DAP3: variants seen among roughly 807,000 people sequenced by gnomAD.
The protein encoded by DAP3 is small ribosomal subunit protein mS29.
Under a neutral mutation model 51.9 loss-of-function variants are expected in DAP3, and 28 were observed. That is an observed-to-expected ratio of 0.54 (90% CI 0.40 to 0.74). DAP3 has a LOEUF of 0.74. Ranked by LOEUF, DAP3 falls within the 30% of genes least tolerant of loss-of-function variation. The pLI is 0.00. For synonymous variants in DAP3, 170 were observed against 170.3 expected (o/e 1.00, Z 0.01); for missense variants, 458 against 483.5 (o/e 0.95, Z 0.49).
At position 155,697,910 on chromosome 1, in the gene DAP3, T is replaced by C. The variant is rs184063713; in HGVS notation, c.-8+8736T>C. Among the ~76,000 whole-genome samples, 10 of 152,282 alleles carry C rather than the reference T, an allele frequency of 6.6e-5. No individual in the cohort carries two copies. In the East Asian group the frequency reaches 1.9e-3, roughly 29 times the overall value. ...ACTCCCAGAGCAGCGATTTTACAGA[T>C]GTCTCCCTGGGAATGCATTCGTTTT... On this transcript the variant is annotated intron_variant, in intron 1 of 12. Transcript: ENST00000368336.
At chr1:155,728,388 C>T (rs926980768) in intron 7 of DAP3, among the ~76,000 whole-genome samples, 42 of 151,944 alleles carry the variant, frequency 2.8e-4, no homozygotes, top group Admixed American at 8.5e-4. Context: ...ATGGTGAAAT[C>T]CCATCTCTAC....
At chr1:155,717,241 C>A in intron 3 of DAP3, 113 bp downstream of exon 3, 1 of 1,492,680 alleles carries the variant, frequency 6.7e-7, no homozygotes, top group Non-Finnish European at 9.1e-7. Context: ...TGCATTTACT[C>A]AGATAGTGCA....
At chr1:155,733,239 T>G (rs1659424680) in intron 11 of DAP3, among the ~76,000 whole-genome samples, 1 of 152,244 alleles carries the variant, frequency 6.6e-6, no homozygotes, top group Non-Finnish European at 1.5e-5. Context: ...GGCACATTTC[T>G]CCCATTACTG....
chr1:155,713,375 G>C (rs1656941839), intron 2 of DAP3, among the ~76,000 whole-genome samples: 1 of 152,194 alleles, frequency 6.6e-6, no homozygotes, highest in South Asian at 2.1e-4. Context: ...GACAAAGCTG[G>C]AGCAACTCTA....
Position 155,721,200 on chromosome 1 carries a change from G to A in DAP3, c.169-317G>A, listed in dbSNP as rs371467414. On this transcript the variant is annotated intron_variant, in intron 3 of 12. Transcript: ENST00000368336. ...GAAATACAAAAATTAGCCGGGTGCG[G>A]TGGCAGATTGTAATGCCAGCTACTG... 3.3e-5 allele frequency among the ~76,000 whole-genome samples: 5 copies of A among 151,852 alleles called. No homozygotes were observed. In the South Asian group the frequency reaches 6.2e-4, roughly 19 times the overall value.
Position 155,717,118 on chromosome 1 carries a change from A to G in DAP3, c.158A>G (p.Glu53Gly). The G allele has an allele frequency of 6.2e-7, 1 of 1,614,070 alleles. No individual in the cohort carries two copies. The highest frequency in any genetic ancestry group is 8.5e-7 in the Non-Finnish European group (1 of 1,180,010). The change falls in exon 3 of 13, where the codon GAG (glutamate) becomes GGG (glycine). Residue 53 changes from glutamate (E) to glycine (G), a missense_variant. By Grantham distance (98) the Glu-to-Gly change is moderately conservative. Transcript: ENST00000368336. ...CCGAGAGCTATTTCCCGCACCAATGAGAATGACCCGGTGAGTTACTAATAT... is the reference window on the plus strand; with the variant it reads ...CCGAGAGCTATTTCCCGCACCAATGGGAATGACCCGGTGAGTTACTAATAT... Reference protein sequence around the residue: ...ESPRAISRTNENDPAKHGDQH... With the variant: ...ESPRAISRTNGNDPAKHGDQH...
rs878885778 is a variant in DAP3 at position 155,709,689 on chromosome 1, A to T, written c.-7-84A>T. 19 of 1,155,024 alleles carry T rather than the reference A, an allele frequency of 1.6e-5. No individual in the cohort carries two copies. In the Middle Eastern group the frequency reaches 5.9e-4, roughly 36 times the overall value. 71.5% of individuals were successfully genotyped at this position (1,155,024 alleles called of 1,614,324 possible). A position where few individuals can be genotyped will look rare whatever the true frequency, so the allele number is the denominator to read the frequency against. On this transcript the variant is annotated intron_variant, in intron 1 of 12. Coordinates refer to ENST00000368336, the MANE Select transcript of DAP3 (RefSeq NM_004632.4). ...ATATTAATATAGATTATTAATCCCT[A>T]TTAATCTATTGTCAGTTTTCCATGT...
In DAP3 at chr1:155,709,827, G is replaced by A. The variant is rs369497354; in HGVS notation, c.45+3G>A. The A allele has an allele frequency of 2.1e-5, 34 of 1,613,008 alleles. No homozygotes were observed. The highest frequency in any genetic ancestry group is 1.7e-4 in the Middle Eastern group (1 of 6,060). On this transcript the variant is annotated splice_donor_region_variant and intron_variant, in intron 2 of 12. Transcript: ENST00000368336. ...GGCTTATCTCTAGGATCCATAAGGTGAGTCCTGACTGACCTGAACACTCTG... is the reference window on the plus strand; with the variant it reads ...GGCTTATCTCTAGGATCCATAAGGTAAGTCCTGACTGACCTGAACACTCTG...
intron 1 of DAP3, among the ~76,000 whole-genome samples, chr1:155,703,145 A>G (rs1379500680): frequency 6.6e-6 from 1 of 152,202 alleles, no homozygotes; most frequent in Non-Finnish European, 1.5e-5. Context: ...TTGCATTTCC[A>G]AATGAATTTT....
chr1:155,727,710 A>C lies in DAP3; in HGVS notation c.575A>C (p.Lys192Thr). Residue 192 changes from lysine to threonine, a missense_variant, in exon 7 of 13, where the codon AAA becomes ACA. Coordinates refer to ENST00000368336, the MANE Select transcript of DAP3 (RefSeq NM_004632.4). Reference protein sequence around the residue: ...LEASTWLKNFKTTNERFLNQI... With the variant: ...LEASTWLKNFTTTNERFLNQI... ...GCTTCAACCTGGCTGAAGAATTTCA[A>C]AACTACAAATGAGCGCTTCCTGAAC... The C allele has an allele frequency of 1.2e-6, 2 of 1,613,728 alleles. No individual in the cohort carries two copies. Among genetic ancestry groups the C allele is most frequent in the Non-Finnish European group, 1.7e-6 (2 of 1,179,808 alleles).
At chr1:155,732,097 A>T in intron 11 of DAP3, 64 bp downstream of exon 11, 1 of 1,377,410 alleles carries the variant, frequency 7.3e-7, no homozygotes, top group Non-Finnish European at 9.9e-7. Context: ...AAATATTTTT[A>T]TTAATCTATG....
intron 11 of DAP3, 95 bp downstream of exon 11, chr1:155,732,128 CTT>C: frequency 3.5e-6 from 4 of 1,148,228 alleles, no homozygotes; most frequent in Non-Finnish European, 4.8e-6. Flanking sequence ...TAATTTCAGA[CTT>C]AGAGAAAAAT....
chr1:155,725,844 C>A, intron 5 of DAP3, 83 bp from the exon 6 acceptor site: 1 of 1,378,968 alleles, frequency 7.3e-7, no homozygotes, highest in East Asian at 2.4e-5. Flanking sequence ...AACCCCATCT[C>A]AAAAAAACAA....
At position 155,718,705 on chromosome 1, in the gene DAP3, A is replaced by AAGAAAGAT. The variant is rs140806404; in HGVS notation, c.168+1580_168+1581insAAGATAGA. ...TGTCTCAAAAAAAAAAAAAGAAAGA[A>AAGAAAGAT]AGATAGATAGATAGATAGATAGATA... On this transcript the variant is annotated intron_variant, in intron 3 of 12. Coordinates refer to ENST00000368336, the MANE Select transcript of DAP3 (RefSeq NM_004632.4). Among the ~76,000 whole-genome samples the AAGAAAGAT allele has an allele frequency of 2.5e-3, 348 of 140,932 alleles. 1 individual carries two copies. The highest frequency in any genetic ancestry group is 6.8e-3 in the African/African-American group (252 of 37,150). The allele number at this position is 140,932 out of a possible 152,430, so 92.5% of individuals were successfully genotyped here. A position where few individuals can be genotyped will look rare whatever the true frequency, so the allele number is the denominator to read the frequency against.
intron 3 of DAP3, 113 bp from the exon 4 acceptor site, chr1:155,721,380 GTATATATATATGTATGTATGTATA>G: frequency 2.5e-6 from 1 of 393,298 alleles, no homozygotes; most frequent in Non-Finnish European, 4.5e-6. Flanking sequence ...GTATGTATGT[GTATATATATATGTATGTATGTATA>G]TATATATATA....
intron 7 of DAP3, 76 bp downstream of exon 7, chr1:155,727,814 T>C (rs1250803819): frequency 6.8e-7 from 1 of 1,465,098 alleles, no homozygotes; most frequent in Non-Finnish European, 9.2e-7. Context: ...CAATAGACTA[T>C]GGAGAACTGA....
chr1:155,697,987 G>T (rs57468684), intron 1 of DAP3, among the ~76,000 whole-genome samples: 1 of 152,116 alleles, frequency 6.6e-6, no homozygotes, highest in Admixed American at 6.5e-5. Flanking sequence ...TCTCCTATTC[G>T]CTTTCTGAAA....
chr1:155,738,070 T>C, intron 12 of DAP3, 87 bp from the exon 13 acceptor site: 2 of 1,284,432 alleles, frequency 1.6e-6, no homozygotes, highest in Non-Finnish European at 2.2e-6. Flanking sequence ...GTAATTTGGA[T>C]ATGGTAGCCT....
chr1:155,720,969 G>A (rs1003245256), intron 3 of DAP3, among the ~76,000 whole-genome samples: 5 of 151,796 alleles, frequency 3.3e-5, no homozygotes, highest in African/African-American at 7.3e-5. Flanking sequence ...CCTGGGAGGC[G>A]GGGGTTGCAG....
Sources: allele counts gnomAD v4.1 joint callset (sites outside exome capture counted in the v4.1 genomes callset), GRCh38; gene constraint gnomAD v4.1.1; transcripts MANE v1.5; gene names NCBI Gene and HGNC (gene_info 2026-07-23, HGNC 2026-07-21).